SPMAP2L: variants seen among roughly 807,000 people sequenced by gnomAD.
SPMAP2L encodes the protein sperm microtubule associated protein 2-like.
the SPMAP2L span, among the ~76,000 whole-genome samples, chr4:56,558,388 A>G: frequency 6.6e-6 from 1 of 152,122 alleles, no homozygotes; most frequent in African/African-American, 2.4e-5. Flanking sequence ...ACTTTTGTTC[A>G]TACTCTGTGT....
chr4:56,578,231 G>A, the SPMAP2L span, among the ~76,000 whole-genome samples: 2 of 152,084 alleles, frequency 1.3e-5, no homozygotes, highest in East Asian at 1.9e-4. Context: ...AGGAGCGGGA[G>A]GGGATAGAGC....
At chr4:56,565,798 A>C in the SPMAP2L span, among the ~76,000 whole-genome samples, 1 of 152,202 alleles carries the variant, frequency 6.6e-6, no homozygotes, top group Admixed American at 6.5e-5. Flanking sequence ...TTCTAGTCCC[A>C]AGCATTTTGA....
chr4:56,545,978 G>A, the SPMAP2L span, among the ~76,000 whole-genome samples: 1 of 152,090 alleles, frequency 6.6e-6, no homozygotes, highest in African/African-American at 2.4e-5. Context: ...ATTTTTAGTA[G>A]AGATGGGGTT....
the SPMAP2L span, among the ~76,000 whole-genome samples, chr4:56,543,895 AGTGTGTGTGTGTGT>A: frequency 3.2e-3 from 354 of 109,452 alleles, 6 homozygotes; most frequent in African/African-American, 0.012. Flanking sequence ...AGAGAGAGAG[AGTGTGTGTGTGTGT>A]GTGTGTGTGT....
chr4:56,603,029 G>C, the SPMAP2L span, among the ~76,000 whole-genome samples: 1 of 152,148 alleles, frequency 6.6e-6, no homozygotes, highest in African/African-American at 2.4e-5. Context: ...GGATTTGTCT[G>C]TAAATTCATT....
At chr4:56,591,434 G>A in the SPMAP2L span, among the ~76,000 whole-genome samples, 5 of 152,272 alleles carry the variant, frequency 3.3e-5, no homozygotes, top group Non-Finnish European at 5.9e-5. Flanking sequence ...CACAAAACAT[G>A]TGAAACACTG....
chr4:56,593,520 G>C, the SPMAP2L span: 2 of 1,599,180 alleles, frequency 1.3e-6, no homozygotes, highest in Non-Finnish European at 1.7e-6. Flanking sequence ...GTGGGAGCCT[G>C]GCCTGCTGTG....
the SPMAP2L span, chr4:56,593,721 C>T: frequency 6.3e-7 from 1 of 1,577,200 alleles, no homozygotes; most frequent in Non-Finnish European, 8.7e-7. Flanking sequence ...ACAAGAGACG[C>T]CACTGGGAAA....
the SPMAP2L span, chr4:56,596,358 T>G: frequency 1.4e-6 from 1 of 704,296 alleles, no homozygotes; most frequent in Non-Finnish European, 2.1e-6. Flanking sequence ...CAGCTGTGAT[T>G]ATAGGTTACT....
At chr4:56,533,377 T>A in the SPMAP2L span, among the ~76,000 whole-genome samples, 2 of 152,182 alleles carry the variant, frequency 1.3e-5, no homozygotes, top group African/African-American at 4.8e-5. Flanking sequence ...ATGATTTCAC[T>A]TTTTTCTTCA....
the SPMAP2L span, among the ~76,000 whole-genome samples, chr4:56,537,867 G>A: frequency 2.6e-5 from 4 of 151,892 alleles, no homozygotes; most frequent in South Asian, 8.3e-4. Context: ...TAATTTTTTT[G>A]TATTTTTAGT....
At chr4:56,598,901 ATAGT>A in the SPMAP2L span, among the ~76,000 whole-genome samples, 9 of 151,918 alleles carry the variant, frequency 5.9e-5, no homozygotes, top group South Asian at 4.2e-4. Context: ...TGTTCTCCTG[ATAGT>A]TAGTGAGTTC....
chr4:56,613,445 T>C, the SPMAP2L span, among the ~76,000 whole-genome samples: 3 of 152,134 alleles, frequency 2.0e-5, no homozygotes, highest in African/African-American at 7.2e-5. Context: ...TAGACTTCAA[T>C]GTTGCCCCCT....
At chr4:56,558,244 TACAGGCATGAG>T in the SPMAP2L span, among the ~76,000 whole-genome samples, 2 of 152,320 alleles carry the variant, frequency 1.3e-5, no homozygotes, top group East Asian at 3.9e-4. Context: ...TTGTTGGGAT[TACAGGCATGAG>T]CCACCACGTC....
chr4:56,531,172 A>T, the SPMAP2L span: 1 of 1,525,564 alleles, frequency 6.6e-7, no homozygotes, highest in South Asian at 1.2e-5. Context: ...CCTGGGTGGT[A>T]GGTGTTCCCC....
At chr4:56,590,139 G>T in the SPMAP2L span, among the ~76,000 whole-genome samples, 1 of 152,118 alleles carries the variant, frequency 6.6e-6, no homozygotes, top group Non-Finnish European at 1.5e-5. Flanking sequence ...TATTATGTTG[G>T]CTGTGAGTTT....
the SPMAP2L span, chr4:56,575,706 G>A: frequency 5.4e-6 from 8 of 1,480,738 alleles, no homozygotes; most frequent in South Asian, 8.9e-5. Context: ...TAGTATTTTT[G>A]TTCTAATTTT....
chr4:56,531,216 C>G, the SPMAP2L span: 12 of 1,483,234 alleles, frequency 8.1e-6, no homozygotes, highest in Non-Finnish European at 1.1e-5. Flanking sequence ...CTCCCTTCCC[C>G]TCATTCCCCA....
At chr4:56,581,173 G>A in the SPMAP2L span, among the ~76,000 whole-genome samples, 2 of 152,158 alleles carry the variant, frequency 1.3e-5, no homozygotes, top group South Asian at 2.1e-4. Context: ...AAAAAAATTA[G>A]GCCAGGCATG....
Sources: allele counts gnomAD v4.1 joint callset (sites outside exome capture counted in the v4.1 genomes callset), GRCh38; gene constraint gnomAD v4.1.1; transcripts MANE v1.5; gene names NCBI Gene and HGNC (gene_info 2026-07-23, HGNC 2026-07-21).